Variants in RBM6 observed in about 807,000 individuals in gnomAD.
RBM6 encodes RNA-binding protein 6.
A neutral mutation model predicts 140.4 loss-of-function variants in RBM6; 23 were observed. The ratio of observed to expected loss-of-function variants is 0.16; its 90% CI spans 0.12 to 0.23. The LOEUF is 0.23. RBM6 is among the 10% of genes least tolerant of loss of function. The pLI, the probability that RBM6 is intolerant of heterozygous loss-of-function variation, is 1.00. For missense variants in RBM6, 1,139 were observed against 1,386.7 expected (o/e 0.82, Z 2.84); for synonymous variants, 439 against 475.6 (o/e 0.92, Z 1.00).
intron 5 of RBM6, among the ~76,000 whole-genome samples, chr3:49,990,212 G>A (rs1219791991): frequency 6.6e-6 from 1 of 152,016 alleles, no homozygotes; most frequent in Non-Finnish European, 1.5e-5. Context: ...ACATCATAGG[G>A]TATATTTACA....
chr3:50,075,205 C>A lies in RBM6; in HGVS notation c.3121C>A (p.Arg1041Ser), dbSNP rs759507731. The part of the protein sequence containing the change: ...IKYSRETDSD[R>S]KLVDKEDIDT... Reference sequence around the variant, plus strand: ...TGGTGTCTGCTTCTTTTGCAGTGATCGTAAACTTGTTGATAAAGAAGATAT... The same window carrying A: ...TGGTGTCTGCTTCTTTTGCAGTGATAGTAAACTTGTTGATAAAGAAGATAT... Residue 1041 changes from arginine to serine, a missense_variant, in exon 20 of 21, where the codon CGT (arginine) becomes AGT (serine). Arg to Ser is a moderately radical substitution (Grantham distance 110). Transcript: ENST00000266022. 2 of 1,612,920 alleles carry A rather than the reference C, an allele frequency of 1.2e-6. No homozygotes were observed. Among genetic ancestry groups the A allele is most frequent in the South Asian group, 1.1e-5 (1 of 90,960 alleles).
chr3:49,960,625 G>A (rs1009133384), intron 1 of RBM6, among the ~76,000 whole-genome samples: 2 of 152,072 alleles, frequency 1.3e-5, no homozygotes, highest in African/African-American at 4.8e-5. Flanking sequence ...ATGAAGATTT[G>A]CCTCTTTTTC....
At chr3:49,983,520 ACAT>A (rs2085406281) in intron 5 of RBM6, among the ~76,000 whole-genome samples, 1 of 152,216 alleles carries the variant, frequency 6.6e-6, no homozygotes, top group South Asian at 2.1e-4. Flanking sequence ...GAATAGCTTA[ACAT>A]CATTTAGAAA....
intron 19 of RBM6, among the ~76,000 whole-genome samples, chr3:50,074,220 AC>A (rs2090391863): frequency 6.6e-6 from 1 of 152,038 alleles, no homozygotes; most frequent in Non-Finnish European, 1.5e-5. Flanking sequence ...CTTTTCTCTT[AC>A]ACAAACTCCT....
At chr3:49,976,317 G>A (rs1559544499) in intron 5 of RBM6, among the ~76,000 whole-genome samples, 1 of 152,108 alleles carries the variant, frequency 6.6e-6, no homozygotes, top group Non-Finnish European at 1.5e-5. Flanking sequence ...TTCTGCAGAG[G>A]AAAATTATCC....
intron 1 of RBM6, among the ~76,000 whole-genome samples, chr3:49,944,662 G>A (rs1383733831): frequency 6.6e-6 from 1 of 151,466 alleles, no homozygotes; most frequent in Non-Finnish European, 1.5e-5. Flanking sequence ...TTTTAGTAGA[G>A]AAGGAGTTTC....
chr3:49,952,928 G>T (rs1002289509), intron 1 of RBM6, among the ~76,000 whole-genome samples: 1 of 152,148 alleles, frequency 6.6e-6, no homozygotes, highest in Non-Finnish European at 1.5e-5. Flanking sequence ...CCAAAAAATT[G>T]TAGAGATGGG....
intron 11 of RBM6, among the ~76,000 whole-genome samples, chr3:50,060,591 C>CA (rs10603676): frequency 0.029 from 4,188 of 146,202 alleles, 89 homozygotes; most frequent in Non-Finnish European, 0.042. Flanking sequence ...ACTAAAAATA[C>CA]AAAAAAAAAA....
chr3:50,074,754 G>A (rs1392699617), intron 19 of RBM6, among the ~76,000 whole-genome samples: 1 of 152,134 alleles, frequency 6.6e-6, no homozygotes, highest in Non-Finnish European at 1.5e-5. Flanking sequence ...TAGCTATCAG[G>A]CACTCAGAGG....
rs1323134155 is a variant in RBM6 at position 50,060,944 on chromosome 3, T to A, written c.2229-12T>A. 5 of 1,555,074 alleles carry A rather than the reference T, an allele frequency of 3.2e-6. No homozygotes were observed. Among genetic ancestry groups the A allele is most frequent in the Non-Finnish European group, 4.3e-6 (5 of 1,154,210 alleles). On this transcript the variant is annotated splice_polypyrimidine_tract_variant and intron_variant, in intron 11 of 20. Transcript: ENST00000266022. Reference sequence around the variant, plus strand: ...GTAGCAGCCTTAAGAATTGTTGTGTTATCTGTTGCAGAAATGATTCTGGGG... The same window carrying A: ...GTAGCAGCCTTAAGAATTGTTGTGTAATCTGTTGCAGAAATGATTCTGGGG...
intron 20 of RBM6, 79 bp downstream of exon 20, chr3:50,075,409 T>A: frequency 6.5e-7 from 1 of 1,546,394 alleles, no homozygotes; most frequent in Non-Finnish European, 8.8e-7. Flanking sequence ...TAGAGTGATG[T>A]CTTTGCCATT....
intron 18 of RBM6, 70 bp from the exon 19 acceptor site, chr3:50,070,385 G>A: frequency 9.4e-7 from 1 of 1,059,374 alleles, no homozygotes; most frequent in Admixed American, 1.7e-5. Flanking sequence ...AACAGCAATG[G>A]GGTAGAATTT....
At chr3:50,001,001 A>G (rs2086301957) in intron 6 of RBM6, among the ~76,000 whole-genome samples, 1 of 152,190 alleles carries the variant, frequency 6.6e-6, no homozygotes. Context: ...GCTTAGGACC[A>G]TATCCCCTAG....
intron 8 of RBM6, 85 bp downstream of exon 8, chr3:50,054,480 A>T (rs2108899331): frequency 8.4e-7 from 1 of 1,191,496 alleles, no homozygotes; most frequent in Non-Finnish European, 1.2e-6. Flanking sequence ...AAGAATTATC[A>T]TCCCTAAATC....
At chr3:49,942,563 A>G (rs1424679269) in intron 1 of RBM6, among the ~76,000 whole-genome samples, 1 of 151,540 alleles carries the variant, frequency 6.6e-6, no homozygotes, top group Non-Finnish European at 1.5e-5. Context: ...TACAAGCAAT[A>G]CCACTATTTC....
At chr3:49,985,455 G>C (rs1340623319) in intron 5 of RBM6, among the ~76,000 whole-genome samples, 1 of 151,986 alleles carries the variant, frequency 6.6e-6, no homozygotes, top group South Asian at 2.1e-4. Flanking sequence ...ATTTTTGCCT[G>C]GTTCCATGTT....
intron 6 of RBM6, among the ~76,000 whole-genome samples, chr3:50,041,174 C>T (rs758765020): frequency 6.6e-6 from 1 of 152,208 alleles, no homozygotes; most frequent in Non-Finnish European, 1.5e-5. Flanking sequence ...GAAGTGGCAG[C>T]TGACAGGGCA....
Position 49,967,421 on chromosome 3 carries a change from A to G in RBM6, c.45-49A>G. The G allele has an allele frequency of 1.3e-6, 2 of 1,568,654 alleles. No individual in the cohort carries two copies. Among genetic ancestry groups the G allele is most frequent in the Non-Finnish European group, 1.7e-6 (2 of 1,157,654 alleles). ...TAGAGAAGAATATGCTGGTGTGTAG[A>G]TTTCAAACTCTCTGGACAATATGAA... is the stretch of plus-strand genomic sequence containing the variant. On this transcript the variant is annotated intron_variant, in intron 2 of 20. Coordinates refer to ENST00000266022, the MANE Select transcript of RBM6 (RefSeq NM_005777.3). This position sits in a 1 kb window ranked among gnomAD's most constrained non-coding sequence, Gnocchi z 4.0.
chr3:50,052,772 T>C (rs930162257), intron 7 of RBM6, among the ~76,000 whole-genome samples: 2 of 152,100 alleles, frequency 1.3e-5, no homozygotes, highest in African/African-American at 4.8e-5. Flanking sequence ...GAAGAAACAG[T>C]CTCAATATGG....
Sources: gnomAD v4.1 joint callset for allele counts (sites outside exome capture counted in the v4.1 genomes callset) on GRCh38, gnomAD v4.1.1 for gene constraint, Gnocchi (gnomAD v3.1) non-coding constraint, MANE v1.5 for transcripts, NCBI Gene and HGNC (gene_info 2026-07-23, HGNC 2026-07-21) for gene names.